CDK19: variants seen among roughly 807,000 people sequenced by gnomAD.
The protein encoded by CDK19 is cyclin-dependent kinase 19.
In CDK19, 20 loss-of-function variants were observed where a neutral mutation model predicts 68.3. The observed-to-expected ratio is 0.29, with a 90% CI of 0.21 to 0.43. CDK19 has a LOEUF of 0.43. CDK19 is among the 20% of genes least tolerant of loss of function. CDK19 has a pLI of 1.00. For missense variants in CDK19, 339 were observed against 623.5 expected, an observed-to-expected ratio of 0.54 and a Z score of 4.86; for synonymous variants, 221 against 222.8, an observed-to-expected ratio of 0.99 and a Z score of 0.07.
At chr6:110,751,900 T>G (rs1401987376) in intron 1 of CDK19, among the ~76,000 whole-genome samples, 4 of 152,144 alleles carry the variant, frequency 2.6e-5, no homozygotes, top group African/African-American at 9.7e-5. Context: ...ATATGACATC[T>G]GAGCCAACTA....
intron 4 of CDK19, among the ~76,000 whole-genome samples, chr6:110,650,234 T>G (rs1162308609): frequency 6.6e-6 from 1 of 152,186 alleles, no homozygotes; most frequent in Non-Finnish European, 1.5e-5. Flanking sequence ...AAATCTATCT[T>G]TAAGTAGAAG....
intron 5 of CDK19, among the ~76,000 whole-genome samples, chr6:110,635,240 G>A (rs62420283): frequency 0.039 from 5,940 of 152,270 alleles, 164 homozygotes; most frequent in Middle Eastern, 0.061. Flanking sequence ...AGTACTGTGA[G>A]AATAAAGGAA....
chr6:110,742,082 G>GACAAATACAT lies in CDK19; in HGVS notation c.204+4034_204+4043dup, dbSNP rs367957827. On this transcript the variant is annotated intron_variant, in intron 2 of 12. Transcript: ENST00000368911. ...CTCTTTTCTTCAATATGATGTAAAGGACAAATACATAAAACAATGTTGCGG... is the reference window on the plus strand; with the variant it reads ...CTCTTTTCTTCAATATGATGTAAAGGACAAATACATACAAATACATAAAACAATGTTGCGG... Among the ~76,000 whole-genome samples the GACAAATACAT allele has an allele frequency of 5.1e-3, 784 of 152,252 alleles. 5 individuals are homozygous for GACAAATACAT. Among genetic ancestry groups the GACAAATACAT allele is most frequent in the African/African-American group, 0.018 (762 of 41,554 alleles).
chr6:110,741,292 C>G (rs1777643804), intron 2 of CDK19, among the ~76,000 whole-genome samples: 1 of 148,346 alleles, frequency 6.7e-6, no homozygotes, highest in Non-Finnish European at 1.5e-5. Flanking sequence ...CTCATCTTTA[C>G]AAAAAATTAA....
intron 1 of CDK19, among the ~76,000 whole-genome samples, chr6:110,786,297 T>C (rs1161373413): frequency 2.0e-5 from 3 of 152,190 alleles, no homozygotes; most frequent in Non-Finnish European, 4.4e-5. Context: ...ATTCCTCTGG[T>C]GTGCCATCTA....
At chr6:110,803,174 G>A (rs1056162494) in intron 1 of CDK19, among the ~76,000 whole-genome samples, 7 of 152,058 alleles carry the variant, frequency 4.6e-5, no homozygotes, top group African/African-American at 1.7e-4. Context: ...CCGCCTCCCA[G>A]GTTCACGCCA....
chr6:110,741,473 A>G (rs1777660826), intron 2 of CDK19, among the ~76,000 whole-genome samples: 1 of 151,802 alleles, frequency 6.6e-6, no homozygotes, highest in Admixed American at 6.6e-5. Flanking sequence ...ACAAAATAAA[A>G]TAAAATAAAT....
intron 12 of CDK19, among the ~76,000 whole-genome samples, chr6:110,620,714 A>G (rs1161849753): frequency 6.6e-6 from 1 of 152,234 alleles, no homozygotes; most frequent in Non-Finnish European, 1.5e-5. Context: ...CCTCCCAGAA[A>G]GAGCATATCT....
At chr6:110,750,171 T>C (rs1033961621) in intron 1 of CDK19, among the ~76,000 whole-genome samples, 1 of 145,514 alleles carries the variant, frequency 6.9e-6, no homozygotes, top group African/African-American at 2.5e-5. Flanking sequence ...CATATGAAGG[T>C]TAATCTTATT....
chr6:110,678,483 C>CAG (rs1256563848), intron 2 of CDK19, among the ~76,000 whole-genome samples: 1 of 152,148 alleles, frequency 6.6e-6, no homozygotes, highest in African/African-American at 2.4e-5. Flanking sequence ...TGCAGTTATT[C>CAG]AGGCAAAAAC....
At chr6:110,767,259 A>G (rs1230320404) in intron 1 of CDK19, among the ~76,000 whole-genome samples, 1 of 152,020 alleles carries the variant, frequency 6.6e-6, no homozygotes, top group Non-Finnish European at 1.5e-5. Flanking sequence ...GCTGGTTAAC[A>G]GGTACAAAAT....
intron 8 of CDK19, among the ~76,000 whole-genome samples, chr6:110,624,999 T>C (rs1235470227): frequency 6.6e-6 from 1 of 152,222 alleles, no homozygotes; most frequent in African/African-American, 2.4e-5. Flanking sequence ...AGGTAAAGGG[T>C]TTAGCACCAC....
At chr6:110,657,047 T>G (rs1057027083) in intron 4 of CDK19, among the ~76,000 whole-genome samples, 2 of 152,214 alleles carry the variant, frequency 1.3e-5, no homozygotes, top group African/African-American at 4.8e-5. Context: ...CTTATTATCA[T>G]GAGAAATTAA....
chr6:110,723,790 T>A (rs1389352357), intron 2 of CDK19, among the ~76,000 whole-genome samples: 2 of 152,204 alleles, frequency 1.3e-5, no homozygotes, highest in African/African-American at 4.8e-5. Context: ...CTAGCTAAAT[T>A]GTTAATACAA....
intron 4 of CDK19, among the ~76,000 whole-genome samples, chr6:110,647,539 C>T (rs1780687881): frequency 6.6e-6 from 1 of 152,148 alleles, no homozygotes; most frequent in Admixed American, 6.5e-5. Context: ...CCATGAATAA[C>T]TTCATATCTA....
intron 5 of CDK19, among the ~76,000 whole-genome samples, chr6:110,636,562 A>T (rs1282911231): frequency 6.6e-6 from 1 of 152,228 alleles, no homozygotes; most frequent in Non-Finnish European, 1.5e-5. Context: ...GCAGTAAAGG[A>T]GAAAGTTGAT....
At chr6:110,723,896 T>C (rs1045461527) in intron 2 of CDK19, among the ~76,000 whole-genome samples, 2 of 151,992 alleles carry the variant, frequency 1.3e-5, no homozygotes, top group Admixed American at 6.6e-5. Flanking sequence ...CTTCCCGTTA[T>C]CTAGAAAAAA....
At chr6:110,677,569 A>AT (rs1220399112) in intron 2 of CDK19, among the ~76,000 whole-genome samples, 2 of 141,104 alleles carry the variant, frequency 1.4e-5, no homozygotes, top group Admixed American at 6.9e-5. Flanking sequence ...CCATCTCAAC[A>AT]TAAAAAAAAA....
intron 1 of CDK19, among the ~76,000 whole-genome samples, chr6:110,754,591 T>A (rs1457350905): frequency 6.6e-6 from 1 of 151,228 alleles, no homozygotes; most frequent in South Asian, 2.1e-4. Flanking sequence ...GCGATTCTCA[T>A]GCCTCAGCCT....
Sources: allele counts gnomAD v4.1 joint callset (sites outside exome capture counted in the v4.1 genomes callset), GRCh38; gene constraint gnomAD v4.1.1; transcripts MANE v1.5; gene names NCBI Gene and HGNC (gene_info 2026-07-23, HGNC 2026-07-21).